The following MGMT variants were observed in gnomAD, a reference collection of about 807,000 sequenced individuals.
The protein encoded by MGMT is methylated-DNA--protein-cysteine methyltransferase.
Under a neutral mutation model 15.9 loss-of-function variants are expected in MGMT, and 14 were observed. That is an observed-to-expected ratio of 0.88 (90% CI 0.58 to 1.37). The LOEUF (loss-of-function observed/expected upper bound fraction) is 1.37, where lower values mean the gene tolerates loss of function less well. Ranked by LOEUF, MGMT falls within the 40% of genes most tolerant of loss-of-function variation. The pLI is 0.00. For synonymous variants in MGMT, 130 were observed against 118.2 expected (o/e 1.10, Z -0.65); for missense variants, 282 against 268.1 (o/e 1.05, Z -0.36).
chr10:129,512,494 C>T (rs567457348), intron 1 of MGMT, among the ~76,000 whole-genome samples: 17 of 152,262 alleles, frequency 1.1e-4, no homozygotes, highest in African/African-American at 4.1e-4. Context: ...CTGGAAGGGT[C>T]GTTCTCATGC....
In MGMT at chr10:129,533,194, G is replaced by A. The variant is rs1051217158; in HGVS notation, c.-12-3047G>A. On this transcript the variant is annotated intron_variant, in intron 1 of 4. Transcript: ENST00000651593. This position sits in a 1 kb window ranked among gnomAD's most constrained non-coding sequence, Gnocchi z 4.5. ...GCTTGATTTTGGCTGTGATTGGAGC[G>A]TGGCCAGTTCTGGTTCCTGCTATTT... Among the ~76,000 whole-genome samples the A allele has an allele frequency of 6.6e-6, 1 of 152,254 alleles. No individual in the cohort carries two copies. The highest frequency in any genetic ancestry group is 1.5e-5 in the Non-Finnish European group (1 of 68,052).
chr10:129,697,978 G>A (rs1848051366), intron 2 of MGMT, among the ~76,000 whole-genome samples: 1 of 152,234 alleles, frequency 6.6e-6, no homozygotes, highest in African/African-American at 2.4e-5. Context: ...CAAGCGGTCA[G>A]TAGCCTGTAG....
intron 2 of MGMT, among the ~76,000 whole-genome samples, chr10:129,683,401 G>A (rs1847874179): frequency 6.6e-6 from 1 of 152,144 alleles, no homozygotes; most frequent in South Asian, 2.1e-4. Context: ...TCTTTGATTA[G>A]CCTCATTACC....
At chr10:129,554,563 C>T (rs563364249) in intron 2 of MGMT, among the ~76,000 whole-genome samples, 4 of 152,222 alleles carry the variant, frequency 2.6e-5, no homozygotes, top group East Asian at 3.9e-4. Context: ...TAAACAGTCT[C>T]GATGAACACT....
intron 2 of MGMT, among the ~76,000 whole-genome samples, chr10:129,541,414 G>C (rs1846041740): frequency 6.6e-6 from 1 of 152,238 alleles, no homozygotes; most frequent in South Asian, 2.1e-4. Flanking sequence ...GCAGAGCTCT[G>C]ACCTCGTCAG....
At chr10:129,492,381 G>A (rs74825634) in intron 1 of MGMT, among the ~76,000 whole-genome samples, 5,714 of 152,232 alleles carry the variant, frequency 0.038, 164 homozygotes, top group South Asian at 0.066. Context: ...ATGTGACTAT[G>A]TGTGAAGCAG....
rs371999831 is a variant in MGMT at position 129,478,439 on chromosome 10, C to T, written c.-13+11143C>T. On this transcript the variant is annotated intron_variant, in intron 1 of 4. Transcript: ENST00000651593. ...GCAAGACATTTCTTGCTGAAAGCCC[C>T]GCTGGCCCACACCTCACCAAATTGG... Among the ~76,000 whole-genome samples, 83 of 152,276 alleles carry T rather than the reference C, an allele frequency of 5.5e-4. No individual in the cohort carries two copies. In the South Asian group the frequency reaches 0.013, roughly 24 times the overall value.
At chr10:129,668,715 C>T (rs531886133) in intron 2 of MGMT, among the ~76,000 whole-genome samples, 1 of 152,286 alleles carries the variant, frequency 6.6e-6, no homozygotes, top group South Asian at 2.1e-4. Flanking sequence ...CTTGGTTATT[C>T]TTGGTTAAGA....
At chr10:129,499,398 A>G (rs927199217) in intron 1 of MGMT, among the ~76,000 whole-genome samples, 3 of 152,238 alleles carry the variant, frequency 2.0e-5, no homozygotes, top group Admixed American at 6.5e-5. Context: ...TATGCCAGCT[A>G]ATTAGCTTAT....
intron 2 of MGMT, chr10:129,694,450 C>T (rs1186409767): frequency 1.3e-5 from 2 of 152,178 alleles, no homozygotes; most frequent in Non-Finnish European, 2.9e-5. Flanking sequence ...TGACAGCCTC[C>T]CAGAGGGCTG....
chr10:129,565,732 A>G (rs139019810), intron 2 of MGMT, among the ~76,000 whole-genome samples: 4,944 of 152,242 alleles, frequency 0.032, 130 homozygotes, highest in South Asian at 0.065. Context: ...TGATGGAAGA[A>G]GACCCTGGCG....
chr10:129,592,233 A>G (rs545633303), intron 2 of MGMT, among the ~76,000 whole-genome samples: 33 of 152,344 alleles, frequency 2.2e-4, no homozygotes, highest in African/African-American at 7.5e-4. Context: ...TTTCAAGGAA[A>G]ATAGCTGACA....
chr10:129,520,572 T>A (rs61862597), intron 1 of MGMT, among the ~76,000 whole-genome samples: 1 of 143,552 alleles, frequency 7.0e-6, no homozygotes, highest in South Asian at 2.3e-4. Flanking sequence ...AGAGCCTCTA[T>A]GGTGCGGTGC....
intron 2 of MGMT, among the ~76,000 whole-genome samples, chr10:129,660,126 A>G (rs1005540475): frequency 6.6e-6 from 1 of 152,016 alleles, no homozygotes; most frequent in African/African-American, 2.4e-5. Context: ...CTCTCCTGTC[A>G]CTTTTACCCC....
At chr10:129,665,528 G>C (rs146704224) in intron 2 of MGMT, among the ~76,000 whole-genome samples, 13 of 152,138 alleles carry the variant, frequency 8.5e-5, no homozygotes, top group Non-Finnish European at 1.5e-4. Flanking sequence ...GCCAGACACT[G>C]AGATGACATT....
intron 2 of MGMT, among the ~76,000 whole-genome samples, chr10:129,565,048 C>T (rs965737847): frequency 2.6e-5 from 4 of 152,206 alleles, no homozygotes; most frequent in African/African-American, 9.6e-5. Context: ...CTTTGCGACA[C>T]GCACATTCTG....
rs56108146 is a variant in MGMT at position 129,767,158 on chromosome 10, G to A, written c.*161G>A. On this transcript the variant is annotated 3_prime_UTR_variant, in exon 5 of 5. Coordinates refer to ENST00000651593, the MANE Select transcript of MGMT (RefSeq NM_002412.5). Reference sequence around the variant, plus strand: ...ATTTTACAGCAGGATGAGTTCAGACGCCCGCGGTCCTGCACACATTTGTTT... The same window carrying A: ...ATTTTACAGCAGGATGAGTTCAGACACCCGCGGTCCTGCACACATTTGTTT... 12,755 of 627,704 alleles carry A rather than the reference G, an allele frequency of 0.02. 1,127 individuals carry two copies. Among genetic ancestry groups the A allele is most frequent in the African/African-American group, 0.2 (10,858 of 54,028 alleles). 38.9% of individuals were successfully genotyped at this position (627,704 alleles called of 1,614,324 possible). A position where few individuals can be genotyped will look rare whatever the true frequency, so the allele number is the denominator to read the frequency against.
chr10:129,708,969 A>G (rs1437130905), intron 3 of MGMT, among the ~76,000 whole-genome samples: 2 of 152,196 alleles, frequency 1.3e-5, no homozygotes, highest in African/African-American at 4.8e-5. Context: ...AGGTAAAGAA[A>G]CCCCTGAAGG....
chr10:129,603,463 C>T (rs1201414719), intron 2 of MGMT, among the ~76,000 whole-genome samples: 1 of 152,162 alleles, frequency 6.6e-6, no homozygotes, highest in Admixed American at 6.5e-5. Context: ...TAGCAAACTG[C>T]AAAAAGCAAG....
Sources: allele counts gnomAD v4.1 joint callset (sites outside exome capture counted in the v4.1 genomes callset), GRCh38; gene constraint gnomAD v4.1.1; non-coding constraint Gnocchi (gnomAD v3.1); transcripts MANE v1.5; gene names NCBI Gene and HGNC (gene_info 2026-07-23, HGNC 2026-07-21).